The following MACROD2 variants were observed in gnomAD, a reference collection of about 807,000 sequenced individuals.
The protein encoded by MACROD2 is mono-ADP ribosylhydrolase 2.
A neutral mutation model predicts 70.4 loss-of-function variants in MACROD2; 36 were observed. The observed-to-expected ratio is 0.51, with a 90% CI of 0.39 to 0.68. MACROD2 has a LOEUF of 0.68. MACROD2 is among the 30% of genes least tolerant of loss of function. MACROD2 has a pLI of 0.00. For synonymous variants in MACROD2, 172 were observed against 178.8 expected, an observed-to-expected ratio of 0.96 and a Z score of 0.30; for missense variants, 496 against 538.4, an observed-to-expected ratio of 0.92 and a Z score of 0.78.
chr20:14,320,828 C>T (rs901962462), intron 3 of MACROD2, among the ~76,000 whole-genome samples: 6 of 152,036 alleles, frequency 3.9e-5, no homozygotes, highest in African/African-American at 1.4e-4. Flanking sequence ...AGAAACATTG[C>T]CCATTTTTAT....
intron 5 of MACROD2, among the ~76,000 whole-genome samples, chr20:15,144,080 A>G (rs2076212987): frequency 6.7e-6 from 1 of 150,368 alleles, no homozygotes; most frequent in East Asian, 1.9e-4. Flanking sequence ...GTGCCAAAGC[A>G]TGAATGTTGT....
At chr20:15,987,012 T>C (rs1222544979) in intron 14 of MACROD2, 54 bp from the exon 15 acceptor site, 1 of 1,450,346 alleles carries the variant, frequency 6.9e-7, no homozygotes. Context: ...CAGTATTCTC[T>C]CAATGATTCC....
intron 5 of MACROD2, among the ~76,000 whole-genome samples, chr20:15,199,525 A>G (rs558771159): frequency 1.6e-4 from 25 of 152,364 alleles, no homozygotes; most frequent in African/African-American, 5.5e-4. Context: ...TATTATAAGC[A>G]TAATACTTAG....
rs76540187 is a variant in MACROD2, at chr20:15,396,437, G to A, written c.541-34968G>A. Among the ~76,000 whole-genome samples, 19 of 152,272 alleles carry A rather than the reference G, an allele frequency of 1.2e-4. No individual in the cohort carries two copies. In the East Asian group the frequency reaches 3.7e-3, roughly 29 times the overall value. On this transcript the variant is annotated intron_variant, in intron 6 of 17. Coordinates refer to ENST00000684519, the MANE Select transcript of MACROD2 (RefSeq NM_001351661.2). ...CGTATTTGAACCTAAGTAGTGAGCAGCCTTAATACTGTAATTATGAAGAAG... is the reference window on the plus strand; with the variant it reads ...CGTATTTGAACCTAAGTAGTGAGCAACCTTAATACTGTAATTATGAAGAAG...
chr20:14,684,125 CAG>C (rs2070969480), intron 4 of MACROD2, among the ~76,000 whole-genome samples: 1 of 152,166 alleles, frequency 6.6e-6, no homozygotes, highest in East Asian at 1.9e-4. Flanking sequence ...GCCCTTCTGG[CAG>C]AGTCGGAGCA....
chr20:15,772,100 A>AC (rs1238175023), intron 8 of MACROD2, among the ~76,000 whole-genome samples: 4 of 89,686 alleles, frequency 4.5e-5, no homozygotes, highest in Admixed American at 2.4e-4. Context: ...AAAAAAAAAA[A>AC]AATATATATA....
intron 6 of MACROD2, among the ~76,000 whole-genome samples, chr20:15,402,033 G>A (rs1451838921): frequency 6.6e-6 from 1 of 152,168 alleles, no homozygotes; most frequent in Admixed American, 6.5e-5. Flanking sequence ...TCCAAGCTGT[G>A]CTTCCCCTCT....
intron 3 of MACROD2, among the ~76,000 whole-genome samples, chr20:14,310,785 C>T (rs544241530): frequency 9.7e-4 from 148 of 151,974 alleles, no homozygotes; most frequent in African/African-American, 3.4e-3. Context: ...GATCCTGATC[C>T]TTTTTAGGCC....
intron 5 of MACROD2, among the ~76,000 whole-genome samples, chr20:15,167,810 T>C (rs541190811): frequency 5.5e-4 from 83 of 152,244 alleles, no homozygotes; most frequent in African/African-American, 2.0e-3. Flanking sequence ...AGTAGAGATA[T>C]TGAAGTAAAT....
chr20:15,368,107 A>G (rs1257257656), intron 6 of MACROD2, among the ~76,000 whole-genome samples: 1 of 152,176 alleles, frequency 6.6e-6, no homozygotes, highest in Admixed American at 6.5e-5. Flanking sequence ...GGAAAAGAAA[A>G]AGATCCAATG....
intron 5 of MACROD2, among the ~76,000 whole-genome samples, chr20:14,947,933 A>G (rs1231366022): frequency 6.6e-6 from 1 of 152,158 alleles, no homozygotes; most frequent in African/African-American, 2.4e-5. Flanking sequence ...GAAGTCCTGT[A>G]TTTGCTTACA....
chr20:15,081,963 G>C (rs748836097), intron 5 of MACROD2, among the ~76,000 whole-genome samples: 1 of 152,170 alleles, frequency 6.6e-6, no homozygotes, highest in African/African-American at 2.4e-5. Context: ...ACATAGTCCA[G>C]GAGGTATGAA....
rs545299358 is a variant in MACROD2, at chr20:14,298,525, G to A, written c.272-194954G>A. ...GGAGGTTGCAGTGACCCAAGATTGC[G>A]CCATTGCACTCCAGCCTGGGTGACA... is the stretch of plus-strand genomic sequence containing the variant. On this transcript the variant is annotated intron_variant, in intron 3 of 17. Transcript: ENST00000684519. Among the ~76,000 whole-genome samples, 72 of 148,282 alleles carry A rather than the reference G, an allele frequency of 4.9e-4. No homozygotes were observed. In the South Asian group the frequency reaches 8.5e-3, roughly 17 times the overall value.
At chr20:14,176,843 G>A (rs1471360886) in intron 3 of MACROD2, among the ~76,000 whole-genome samples, 1 of 152,118 alleles carries the variant, frequency 6.6e-6, no homozygotes, top group African/African-American at 2.4e-5. Context: ...GGTAATGGTA[G>A]ATTTGTGTTA....
chr20:14,902,177 G>A (rs2073902622), intron 5 of MACROD2, among the ~76,000 whole-genome samples: 1 of 152,160 alleles, frequency 6.6e-6, no homozygotes, highest in Non-Finnish European at 1.5e-5. Context: ...TTTAATCCTT[G>A]TAGGAATACA....
At chr20:14,119,602 C>A (rs1213095506) in intron 3 of MACROD2, among the ~76,000 whole-genome samples, 6 of 152,280 alleles carry the variant, frequency 3.9e-5, no homozygotes, top group South Asian at 2.1e-4. Context: ...TACATTTGTT[C>A]TTTCAACTTA....
In MACROD2 at chr20:15,235,935, C is replaced by A. The variant is rs114257365; in HGVS notation, c.540+5874C>A. Among the ~76,000 whole-genome samples the A allele has an allele frequency of 1.5e-3, 229 of 152,068 alleles. 1 individual carries two copies. The highest frequency in any genetic ancestry group is 4.9e-3 in the African/African-American group (203 of 41,468). On this transcript the variant is annotated intron_variant, in intron 6 of 17. Transcript: ENST00000684519. ...GGCAATATCTAGTCTTGGTTCTCAC[C>A]TGTCTCATTTTCTCATTTATAAAGG...
chr20:14,152,113 G>A (rs922717588), intron 3 of MACROD2, among the ~76,000 whole-genome samples: 8 of 152,000 alleles, frequency 5.3e-5, no homozygotes, highest in Admixed American at 2.6e-4. Flanking sequence ...GAGCCACCAC[G>A]CCCAGCCTGT....
At chr20:15,184,034 A>G (rs1344926001) in intron 5 of MACROD2, among the ~76,000 whole-genome samples, 5 of 152,222 alleles carry the variant, frequency 3.3e-5, no homozygotes, top group Non-Finnish European at 7.3e-5. Flanking sequence ...ATTTAAAGGG[A>G]TCAGATGCTA....
Sources: allele counts gnomAD v4.1 joint callset (sites outside exome capture counted in the v4.1 genomes callset), GRCh38; gene constraint gnomAD v4.1.1; transcripts MANE v1.5; gene names NCBI Gene and HGNC (gene_info 2026-07-23, HGNC 2026-07-21).